VPS13A: variants seen among roughly 807,000 people sequenced by gnomAD.
VPS13A encodes intermembrane lipid transfer protein VPS13A.
In VPS13A, 264 loss-of-function variants were observed where a neutral mutation model predicts 390.9. The observed-to-expected ratio is 0.68, with a 90% CI of 0.61 to 0.75. The LOEUF is 0.75. Among genes scored for constraint, VPS13A ranks in the 30% least tolerant of loss-of-function variants. VPS13A has a pLI of 0.00. For missense variants in VPS13A, 3,409 were observed against 3,733.9 expected (o/e 0.91, Z 2.27); for synonymous variants, 1,231 against 1,227.1 (o/e 1.00, Z -0.07).
Position 77,393,778 on chromosome 9 carries a change from T to C in VPS13A, c.9190-9458T>C, listed in dbSNP as rs1036523928. On this transcript the variant is annotated intron_variant, in intron 68 of 71. Coordinates refer to ENST00000360280, the MANE Select transcript of VPS13A (RefSeq NM_033305.3). The stretch of plus-strand genomic sequence containing the variant: ...TAAGGACTCTAGGATTTTTTCTTTT[T>C]CTTTTTTTTGAGACGGAGTCTCGCT... Among the ~76,000 whole-genome samples, 4 of 152,226 alleles carry C rather than the reference T, an allele frequency of 2.6e-5. No homozygotes were observed. In the South Asian group the frequency reaches 8.3e-4, roughly 31 times the overall value.
chr9:77,199,487 G>T (rs1825201108), intron 1 of VPS13A, among the ~76,000 whole-genome samples: 2 of 152,136 alleles, frequency 1.3e-5, no homozygotes, highest in South Asian at 4.1e-4. Context: ...TAGACATTCT[G>T]TTCTATTATT....
intron 68 of VPS13A, among the ~76,000 whole-genome samples, chr9:77,389,225 T>C (rs1240858939): frequency 1.3e-5 from 2 of 152,114 alleles, no homozygotes; most frequent in Non-Finnish European, 2.9e-5. Flanking sequence ...CTTCTAAAGA[T>C]TAAAAAAGCA....
At chr9:77,203,800 T>A (rs1168741847) in intron 3 of VPS13A, among the ~76,000 whole-genome samples, 1 of 152,226 alleles carries the variant, frequency 6.6e-6, no homozygotes, top group Non-Finnish European at 1.5e-5. Context: ...TCTTATTATT[T>A]CATTTTGGTT....
chr9:77,370,085 C>A (rs527546109), intron 63 of VPS13A, among the ~76,000 whole-genome samples, 172 bp from the exon 64 acceptor site: 1 of 152,286 alleles, frequency 6.6e-6, no homozygotes, highest in South Asian at 2.1e-4. Flanking sequence ...CTTTCAGCGT[C>A]CAGAAATATC....
At position 77,339,495 on chromosome 9, in the gene VPS13A, T is replaced by G. The variant is rs76952011; in HGVS notation, c.6379-21T>G. On this transcript the variant is annotated intron_variant, in intron 47 of 71. Transcript: ENST00000360280. ...CTGCAACATTTTAAATTTTGTTTTGTTTTTTTTTTTTTTATTACAGGGAAT... is the reference window on the plus strand; with the variant it reads ...CTGCAACATTTTAAATTTTGTTTTGGTTTTTTTTTTTTTATTACAGGGAAT... 7.7e-4 allele frequency: 597 copies of G among 773,268 alleles called. 3 individuals carry two copies. In the South Asian group the frequency reaches 8.3e-3, roughly 11 times the overall value. The allele number at this position is 773,268 out of a possible 1,614,324, so 47.9% of individuals were successfully genotyped here.
chr9:77,343,744 G>T (rs755385306), intron 50 of VPS13A, among the ~76,000 whole-genome samples: 9 of 152,072 alleles, frequency 5.9e-5, no homozygotes, highest in Non-Finnish European at 1.0e-4. Context: ...TTTGATTTCT[G>T]CCTAATTTCC....
intron 50 of VPS13A, among the ~76,000 whole-genome samples, chr9:77,341,730 G>A (rs1287144955): frequency 2.3e-5 from 1 of 43,960 alleles, no homozygotes; most frequent in East Asian, 7.0e-4. Flanking sequence ...TGCTTTTGCT[G>A]TGTCTGAACT....
At chr9:77,204,208 A>G (rs1825502249) in intron 3 of VPS13A, among the ~76,000 whole-genome samples, 1 of 152,194 alleles carries the variant, frequency 6.6e-6, no homozygotes, top group African/African-American at 2.4e-5. Context: ...AGTATATTTA[A>G]TAATCTATTC....
chr9:77,316,911 T>C (rs533980008), intron 39 of VPS13A, among the ~76,000 whole-genome samples: 1 of 152,196 alleles, frequency 6.6e-6, no homozygotes, highest in South Asian at 2.1e-4. Flanking sequence ...GCCTTCCTCC[T>C]CTTCATAACT....
intron 71 of VPS13A, among the ~76,000 whole-genome samples, chr9:77,414,464 T>A (rs1835078659): frequency 6.6e-6 from 1 of 151,964 alleles, no homozygotes; most frequent in Non-Finnish European, 1.5e-5. Flanking sequence ...CTGGAAACCA[T>A]CATTCTCAGC....
chr9:77,224,804 T>G (rs1177449959), intron 13 of VPS13A, among the ~76,000 whole-genome samples: 7 of 152,216 alleles, frequency 4.6e-5, no homozygotes, highest in African/African-American at 1.7e-4. Context: ...ATTCTGTAAG[T>G]AAAATGCTAT....
intron 68 of VPS13A, among the ~76,000 whole-genome samples, chr9:77,391,865 T>C (rs1304371373): frequency 6.6e-6 from 1 of 152,238 alleles, no homozygotes; most frequent in East Asian, 1.9e-4. Context: ...AAGAAAAGAA[T>C]TAATGCCATG....
chr9:77,367,350 G>A (rs1326542197), intron 61 of VPS13A, among the ~76,000 whole-genome samples: 2 of 152,210 alleles, frequency 1.3e-5, no homozygotes, highest in African/African-American at 4.8e-5. Context: ...TCTGACCAAA[G>A]AGATTCAGAA....
intron 63 of VPS13A, 57 bp downstream of exon 63, chr9:77,369,469 A>AG: frequency 7.2e-6 from 8 of 1,112,482 alleles, no homozygotes; most frequent in Non-Finnish European, 1.1e-5. Flanking sequence ...TGAATAGATA[A>AG]TACTTTTCTA....
chr9:77,342,179 G>A (rs756127178), intron 50 of VPS13A, among the ~76,000 whole-genome samples: 12 of 151,974 alleles, frequency 7.9e-5, no homozygotes, highest in Non-Finnish European at 1.0e-4. Context: ...GCCAGGTGTC[G>A]GAATAGCTGA....
Position 77,227,483 on chromosome 9 carries a change from A to C in VPS13A, c.1450A>C (p.Thr484Pro). 1 of 1,606,298 alleles carries C rather than the reference A, an allele frequency of 6.2e-7. No individual in the cohort carries two copies. The highest frequency in any genetic ancestry group is 1.1e-5 in the South Asian group (1 of 90,866). Reference sequence around the variant, plus strand: ...AGCAGTTGATCCAACTTTACTAAAAACAGTAAGATGTTTTCTTGCCTTATA... The same window carrying C: ...AGCAGTTGATCCAACTTTACTAAAACCAGTAAGATGTTTTCTTGCCTTATA... ...ETAVDPTLLK[T>P]FEALKFFVHL... The change falls in exon 16 of 72, where the codon ACA becomes CCA. Residue 484 changes from threonine to proline, a missense_variant and splice_region_variant. Physicochemically the swap from Thr to Pro is conservative, Grantham distance 38. Coordinates refer to ENST00000360280, the MANE Select transcript of VPS13A (RefSeq NM_033305.3).
chr9:77,232,145 T>C (rs115523287), intron 17 of VPS13A, among the ~76,000 whole-genome samples: 6 of 152,304 alleles, frequency 3.9e-5, no homozygotes, highest in African/African-American at 1.4e-4. Flanking sequence ...TATACCAATA[T>C]CGTACTGTTT....
intron 68 of VPS13A, chr9:77,395,655 C>CT (rs1440347300): frequency 6.6e-6 from 1 of 152,020 alleles, no homozygotes; most frequent in East Asian, 1.9e-4. Context: ...TTAGATATGC[C>CT]TGTAATTATT....
At position 77,405,785 on chromosome 9, in the gene VPS13A, A is replaced by T. The variant is rs1834572390; in HGVS notation, c.9276-79A>T. Reference sequence around the variant, plus strand: ...GATGAATATTGCATTTGCACTTGCGATTCATTCGTATCCTGTTGTTATTGG... The same window carrying T: ...GATGAATATTGCATTTGCACTTGCGTTTCATTCGTATCCTGTTGTTATTGG... On this transcript the variant is annotated intron_variant, in intron 69 of 71. Coordinates refer to ENST00000360280, the MANE Select transcript of VPS13A (RefSeq NM_033305.3). 2.5e-6 allele frequency: 4 copies of T among 1,578,138 alleles called. No homozygotes were observed. In the East Asian group the frequency reaches 9.0e-5, roughly 35 times the overall value.
Sources: allele counts gnomAD v4.1 joint callset (sites outside exome capture counted in the v4.1 genomes callset), GRCh38; gene constraint gnomAD v4.1.1; transcripts MANE v1.5; gene names NCBI Gene and HGNC (gene_info 2026-07-23, HGNC 2026-07-21).